KCNIP3: variants seen among roughly 807,000 people sequenced by gnomAD.
KCNIP3 encodes the protein calsenilin.
Under a neutral mutation model 35.0 loss-of-function variants are expected in KCNIP3, and 28 were observed. The ratio of observed to expected loss-of-function variants is 0.80; its 90% CI spans 0.59 to 1.10. The LOEUF (loss-of-function observed/expected upper bound fraction) is 1.10. Among genes scored for constraint, KCNIP3 ranks in the 50% least tolerant of loss-of-function variants. The probability of loss-of-function intolerance (pLI) is 0.00; values close to 1 mark genes in which losing one functional copy is unlikely to be tolerated. For missense variants in KCNIP3, 295 were observed against 338.4 expected (o/e 0.87, Z 1.01); for synonymous variants, 134 against 133.8 (o/e 1.00, Z -0.01).
At chr2:95,368,557 C>T in intron 2 of KCNIP3, 1 of 391,038 alleles carries the variant, frequency 2.6e-6, no homozygotes, top group Non-Finnish European at 5.1e-6. Flanking sequence ...GAGTCATAAC[C>T]ATTTTGCCAT....
In KCNIP3 at chr2:95,384,729, C is replaced by T. The variant is rs1332278654; in HGVS notation, c.*680C>T. The T allele has an allele frequency of 6.6e-6, 1 of 152,350 alleles. No homozygotes were observed. Among genetic ancestry groups the T allele is most frequent in the Admixed American group, 6.5e-5 (1 of 15,286 alleles). 9.4% of individuals were successfully genotyped at this position (152,350 alleles called of 1,614,324 possible). A position where few individuals can be genotyped will look rare whatever the true frequency, so the allele number is the denominator to read the frequency against. On this transcript the variant is annotated 3_prime_UTR_variant, in exon 9 of 9. Transcript: ENST00000295225. ...GGCAAGCCTGAGTGGTGAGGGGCCA[C>T]TGGGCCCCATTCTCCCTCCATGGCA... is the stretch of plus-strand genomic sequence containing the variant.
intron 2 of KCNIP3, among the ~76,000 whole-genome samples, chr2:95,337,796 A>T (rs1398314735): frequency 6.6e-6 from 1 of 152,118 alleles, no homozygotes; most frequent in African/African-American, 2.4e-5. Context: ...GGCCACCCTC[A>T]TCTTTCACCC....
intron 3 of KCNIP3, 73 bp downstream of exon 3, chr2:95,374,493 C>A: frequency 6.4e-7 from 1 of 1,551,314 alleles, no homozygotes; most frequent in Non-Finnish European, 8.8e-7. Context: ...CTTCTCCATG[C>A]CACAGTAAAT....
chr2:95,383,757 C>G (rs1247829070), intron 8 of KCNIP3, among the ~76,000 whole-genome samples: 1 of 152,238 alleles, frequency 6.6e-6, no homozygotes, highest in Non-Finnish European at 1.5e-5. Flanking sequence ...CAGCCGGGAT[C>G]GCCTTCATCA....
chr2:95,330,757 T>C (rs1212187943), intron 2 of KCNIP3, among the ~76,000 whole-genome samples: 1 of 152,138 alleles, frequency 6.6e-6, no homozygotes, highest in Non-Finnish European at 1.5e-5. Context: ...TGCTCTCTGG[T>C]CTGAGAACAT....
At chr2:95,383,525 C>G (rs1393688492) in intron 8 of KCNIP3, among the ~76,000 whole-genome samples, 2 of 152,130 alleles carry the variant, frequency 1.3e-5, no homozygotes, top group African/African-American at 4.8e-5. Flanking sequence ...CCCCCACTAC[C>G]CCCACACCCT....
At position 95,343,547 on chromosome 2, in the gene KCNIP3, T is replaced by A. The variant is rs150864257; in HGVS notation, c.182-30749T>A. Among the ~76,000 whole-genome samples the A allele has an allele frequency of 3.9e-3, 600 of 152,250 alleles. 5 individuals carry two copies. Among genetic ancestry groups the A allele is most frequent in the African/African-American group, 0.013 (558 of 41,550 alleles). ...TGCATCCAGCCCAGACCCGCCCTTA[T>A]GAGTCAGGAGACCTCATGAAATCCC... On this transcript the variant is annotated intron_variant, in intron 2 of 8. Transcript: ENST00000295225.
rs1450759436 is a variant in KCNIP3 at position 95,384,117 on chromosome 2, C to T, written c.*68C>T. 14 of 1,442,992 alleles carry T rather than the reference C, an allele frequency of 9.7e-6. No homozygotes were observed. The highest frequency in any genetic ancestry group is 1.3e-5 in the Non-Finnish European group (13 of 1,025,444). The allele number at this position is 1,442,992 out of a possible 1,614,324, so 89.4% of individuals were successfully genotyped here. A position where few individuals can be genotyped will look rare whatever the true frequency, so the allele number is the denominator to read the frequency against. ...CAAGAAACCTCCATCCTGCCAGGAG[C>T]AGCCTCCAAGAAACTTTTAAAAAAT... On this transcript the variant is annotated 3_prime_UTR_variant, in exon 9 of 9. Transcript: ENST00000295225.
At chr2:95,326,256 ATACACT>A (rs985471822) in intron 2 of KCNIP3, among the ~76,000 whole-genome samples, 7 of 60,048 alleles carry the variant, frequency 1.2e-4, no homozygotes, top group African/African-American at 7.5e-4. Context: ...ACACTCACAC[ATACACT>A]CACACATACA....
intron 2 of KCNIP3, among the ~76,000 whole-genome samples, chr2:95,335,046 C>T (rs1679027119): frequency 1.3e-5 from 2 of 152,232 alleles, no homozygotes; most frequent in African/African-American, 2.4e-5. Flanking sequence ...GCTTGGTCTT[C>T]TCCTACCTTC....
At chr2:95,314,840 A>T (rs1245964473) in intron 2 of KCNIP3, among the ~76,000 whole-genome samples, 1 of 152,176 alleles carries the variant, frequency 6.6e-6, no homozygotes, top group Non-Finnish European at 1.5e-5. Flanking sequence ...TGGATGAGGG[A>T]GGGGCCTTTG....
In KCNIP3 at chr2:95,382,574, C is replaced by G. The variant is rs1680377560; in HGVS notation, c.660+93C>G. 1.3e-6 allele frequency: 1 copy of G among 793,724 alleles called. No individual in the cohort carries two copies. Among genetic ancestry groups the G allele is most frequent in the South Asian group, 1.8e-5 (1 of 55,584 alleles). The allele number at this position is 793,724 out of a possible 1,614,324, so 49.2% of individuals were successfully genotyped here. On this transcript the variant is annotated intron_variant, in intron 7 of 8. Coordinates refer to ENST00000295225, the MANE Select transcript of KCNIP3 (RefSeq NM_013434.5). This position sits in a 1 kb window ranked among gnomAD's most constrained non-coding sequence, Gnocchi z 4.5. The stretch of plus-strand genomic sequence containing the variant: ...CACCCCGGGCAAGTGGCTTGCCCCT[C>G]TGAGCCTCCCTACTCCCCATGAGGA...
intron 2 of KCNIP3, among the ~76,000 whole-genome samples, chr2:95,369,803 T>C (rs1474196243): frequency 6.6e-6 from 1 of 152,126 alleles, no homozygotes; most frequent in East Asian, 1.9e-4. Flanking sequence ...GGCAATTTTT[T>C]TGTAGAGACA....
intron 1 of KCNIP3, among the ~76,000 whole-genome samples, chr2:95,300,059 A>C (rs1677983456): frequency 6.6e-6 from 1 of 152,202 alleles, no homozygotes; most frequent in Non-Finnish European, 1.5e-5. Context: ...TCCAGAGCGC[A>C]GCAAGTCCCT....
intron 2 of KCNIP3, among the ~76,000 whole-genome samples, chr2:95,363,475 A>G (rs535966034): frequency 6.6e-6 from 1 of 152,292 alleles, no homozygotes; most frequent in African/African-American, 2.4e-5. Flanking sequence ...TGTACCAACC[A>G]TACAATTTTT....
At chr2:95,319,652 G>A (rs1678539204) in intron 2 of KCNIP3, among the ~76,000 whole-genome samples, 1 of 152,180 alleles carries the variant, frequency 6.6e-6, no homozygotes, top group Admixed American at 6.5e-5. Flanking sequence ...TAGAGCGATA[G>A]TGCCTCCTCC....
chr2:95,353,013 A>G (rs573518802), intron 2 of KCNIP3, among the ~76,000 whole-genome samples: 101 of 152,306 alleles, frequency 6.6e-4, no homozygotes, highest in Non-Finnish European at 8.5e-4. Flanking sequence ...CTGGCACTCT[A>G]TCCCAATGCC....
At chr2:95,381,990 G>A (rs1680358727) in intron 6 of KCNIP3, among the ~76,000 whole-genome samples, 1 of 152,230 alleles carries the variant, frequency 6.6e-6, no homozygotes, top group Non-Finnish European at 1.5e-5. Flanking sequence ...GGAGATTTAA[G>A]TGGAGAAGCC....
intron 2 of KCNIP3, among the ~76,000 whole-genome samples, chr2:95,367,758 ATTTTTT>A (rs5832800): frequency 1.5e-5 from 2 of 131,810 alleles, no homozygotes; most frequent in East Asian, 4.4e-4. Flanking sequence ...GTGACTTAAC[ATTTTTT>A]TTTTTTTTTT....
Sources: gnomAD v4.1 joint callset for allele counts (sites outside exome capture counted in the v4.1 genomes callset) on GRCh38, gnomAD v4.1.1 for gene constraint, Gnocchi (gnomAD v3.1) non-coding constraint, MANE v1.5 for transcripts, NCBI Gene and HGNC (gene_info 2026-07-23, HGNC 2026-07-21) for gene names.